The following DYNC2H1 variants were observed in gnomAD, a reference collection of about 807,000 sequenced individuals.
DYNC2H1 encodes the protein cytoplasmic dynein 2 heavy chain 1.
Under a neutral mutation model 570.0 loss-of-function variants are expected in DYNC2H1, and 410 were observed. That is an observed-to-expected ratio of 0.72 (90% CI 0.66 to 0.78). The LOEUF (loss-of-function observed/expected upper bound fraction) is 0.78, where lower values mean the gene tolerates loss of function less well. Among genes scored for constraint, DYNC2H1 ranks in the 30% least tolerant of loss-of-function variants. The pLI, the probability that DYNC2H1 is intolerant of heterozygous loss-of-function variation, is 0.00. For synonymous variants in DYNC2H1, 1,688 were observed against 1,677.6 expected (o/e 1.01, Z -0.15); for missense variants, 4,865 against 5,046.4 (o/e 0.96, Z 1.09).
At chr11:103,451,979 GA>G (rs1221836304) in intron 85 of DYNC2H1, among the ~76,000 whole-genome samples, 1 of 151,762 alleles carries the variant, frequency 6.6e-6, no homozygotes, top group Non-Finnish European at 1.5e-5. Flanking sequence ...TCTTTTTAAT[GA>G]AAGTCCACCA....
chr11:103,349,106 G>A (rs1317412773), intron 82 of DYNC2H1, among the ~76,000 whole-genome samples: 4 of 152,198 alleles, frequency 2.6e-5, no homozygotes, highest in South Asian at 2.1e-4. Context: ...ATTAATGCAG[G>A]CTTCTACATT....
At position 103,322,846 on chromosome 11, in the gene DYNC2H1, A is replaced by G. The variant is rs530522999; in HGVS notation, c.11935-1040A>G. Among the ~76,000 whole-genome samples, 3 of 152,372 alleles carry G rather than the reference A, an allele frequency of 2.0e-5. No individual in the cohort carries two copies. In the South Asian group the frequency reaches 6.2e-4, roughly 32 times the overall value. ...CCCACGATAATACATGCACACATAT[A>G]TGCAAACATACACTCATGTACATGT... is the stretch of plus-strand genomic sequence containing the variant. On this transcript the variant is annotated intron_variant, in intron 81 of 88. Coordinates refer to ENST00000375735, the MANE Select transcript of DYNC2H1 (RefSeq NM_001377.3).
At chr11:103,358,016 T>A (rs1374349662) in intron 82 of DYNC2H1, among the ~76,000 whole-genome samples, 1 of 152,208 alleles carries the variant, frequency 6.6e-6, no homozygotes, top group Non-Finnish European at 1.5e-5. Context: ...GTATACAATT[T>A]AAAAATCGGT....
rs1297378855 is a variant in DYNC2H1, at chr11:103,253,433, T to A, written c.10191T>A (p.Ser3397Arg). The change falls in exon 66 of 89, where the codon AGT (serine) becomes AGA (arginine). Residue 3397 changes from serine to arginine, a missense_variant. Coordinates refer to ENST00000375735, the MANE Select transcript of DYNC2H1 (RefSeq NM_001377.3). ...AGGTTAACTTTACTACAACAAGAAG[T>A]GGATTACGAGGGCAGGTATACATAG... ...VTEVNFTTTRSGLRGQLLALT... is the reference protein window; with the variant it reads ...VTEVNFTTTRRGLRGQLLALT... 1 of 1,612,726 alleles carries A rather than the reference T, an allele frequency of 6.2e-7. No homozygotes were observed. Among genetic ancestry groups the A allele is most frequent in the Non-Finnish European group, 8.5e-7 (1 of 1,179,152 alleles).
intron 83 of DYNC2H1, among the ~76,000 whole-genome samples, chr11:103,385,023 G>T (rs2135589217): frequency 6.6e-6 from 1 of 152,064 alleles, no homozygotes; most frequent in East Asian, 1.9e-4. Context: ...GTCTTTTCTG[G>T]TTTCTGTTGT....
intron 84 of DYNC2H1, among the ~76,000 whole-genome samples, chr11:103,434,973 C>CA (rs1454427709): frequency 6.6e-6 from 1 of 152,110 alleles, no homozygotes; most frequent in Non-Finnish European, 1.5e-5. Flanking sequence ...GACAGGAGCA[C>CA]AGACCTCAAG....
At position 103,114,213 on chromosome 11, in the gene DYNC2H1, G is replaced by T; in HGVS notation, c.477G>T (p.Leu159Phe). 11 of 1,594,758 alleles carry T rather than the reference G, an allele frequency of 6.9e-6. No individual in the cohort carries two copies. The highest frequency in any genetic ancestry group is 9.4e-6 in the Non-Finnish European group (11 of 1,169,644). Reference protein sequence around the residue: ...LRRSDTNLTKLKFKEDDTRGI... With the variant: ...LRRSDTNLTKFKFKEDDTRGI... The stretch of plus-strand genomic sequence containing the variant: ...GATCAGACACTAACTTAACAAAATT[G>T]AAATTTAAGGAAGATGACACACGAG... Residue 159 changes from leucine (L) to phenylalanine (F), a missense_variant, in exon 3 of 89, where the codon TTG (leucine) becomes TTT (phenylalanine). Physicochemically the swap from Leu to Phe is conservative, Grantham distance 22 (BLOSUM62 0). Coordinates refer to ENST00000375735, the MANE Select transcript of DYNC2H1 (RefSeq NM_001377.3).
Position 103,160,984 on chromosome 11 carries a change from A to G in DYNC2H1, c.4431A>G (p.Lys1477=). 3 of 1,573,894 alleles carry G rather than the reference A, an allele frequency of 1.9e-6. 1 individual carries two copies. Residue 1477 remains lysine (K), a synonymous_variant, in exon 29 of 89, where the codon AAA becomes AAG. Coordinates refer to ENST00000375735, the MANE Select transcript of DYNC2H1 (RefSeq NM_001377.3). ...DEKSKHITAM[K]SLEGEVVPFK... is the part of the protein sequence containing the mutation. ...AATCAAAACATATAACTGCAATGAA[A>G]TCTTTAGAGGGAGAAGTTGTACCTT...
At position 103,186,149 on chromosome 11, in the gene DYNC2H1, A is replaced by T; in HGVS notation, c.6634-93A>T. 1 of 1,252,718 alleles carries T rather than the reference A, an allele frequency of 8.0e-7. No homozygotes were observed. The highest frequency in any genetic ancestry group is 1.1e-6 in the Non-Finnish European group (1 of 921,210). The allele number at this position is 1,252,718 out of a possible 1,614,324, so 77.6% of individuals were successfully genotyped here. On this transcript the variant is annotated intron_variant, in intron 41 of 88. Coordinates refer to ENST00000375735, the MANE Select transcript of DYNC2H1 (RefSeq NM_001377.3). This position sits in a 1 kb window ranked among gnomAD's most constrained non-coding sequence, Gnocchi z 4.5. ...TATGTAAAGTTTTCTTGGAACTAAG[A>T]TGATTTACTTTTGGGATATTTACTT... is the stretch of plus-strand genomic sequence containing the variant.
At chr11:103,144,530 G>A (rs1860135564) in intron 18 of DYNC2H1, among the ~76,000 whole-genome samples, 1 of 151,772 alleles carries the variant, frequency 6.6e-6, no homozygotes. Context: ...AAAATGGGAG[G>A]GCAAAAAAGA....
At chr11:103,346,297 G>A (rs1939741761) in intron 82 of DYNC2H1, among the ~76,000 whole-genome samples, 1 of 152,236 alleles carries the variant, frequency 6.6e-6, no homozygotes, top group East Asian at 1.9e-4. Flanking sequence ...TCTGAAATCG[G>A]AAAGCTTAAG....
At chr11:103,355,885 ATT>A (rs1383526060) in intron 82 of DYNC2H1, among the ~76,000 whole-genome samples, 1 of 152,024 alleles carries the variant, frequency 6.6e-6, no homozygotes, top group Non-Finnish European at 1.5e-5. Context: ...TATTTTTAAA[ATT>A]TTTTAAGAGA....
intron 78 of DYNC2H1, among the ~76,000 whole-genome samples, chr11:103,311,490 C>A (rs558781047): frequency 6.6e-6 from 1 of 151,790 alleles, no homozygotes; most frequent in East Asian, 1.9e-4. Flanking sequence ...ATTCAAATAG[C>A]AACTAGTAAG....
chr11:103,390,689 C>T (rs769472462), intron 83 of DYNC2H1, among the ~76,000 whole-genome samples: 2 of 152,168 alleles, frequency 1.3e-5, no homozygotes, highest in South Asian at 2.1e-4. Context: ...GTAGGGCAGG[C>T]CCGGTGGTGA....
At chr11:103,273,491 T>C (rs1313509507) in intron 70 of DYNC2H1, among the ~76,000 whole-genome samples, 1 of 152,174 alleles carries the variant, frequency 6.6e-6, no homozygotes, top group Non-Finnish European at 1.5e-5. Flanking sequence ...ACCCAGCCCC[T>C]TAATTTTTTT....
chr11:103,458,699 A>G (rs1324725530), intron 87 of DYNC2H1, among the ~76,000 whole-genome samples: 1 of 152,116 alleles, frequency 6.6e-6, no homozygotes, highest in Non-Finnish European at 1.5e-5. Flanking sequence ...TTACAATAAC[A>G]GGTAATCATT....
intron 82 of DYNC2H1, among the ~76,000 whole-genome samples, chr11:103,336,896 G>A (rs1939162877): frequency 6.6e-6 from 1 of 151,672 alleles, no homozygotes; most frequent in Non-Finnish European, 1.5e-5. Context: ...CTTTTTTTTG[G>A]ATATATACCC....
chr11:103,156,262 CTT>C (rs373290219), intron 25 of DYNC2H1, 124 bp from the exon 26 acceptor site: 2,593 of 793,088 alleles, frequency 3.3e-3, no homozygotes, highest in Middle Eastern at 5.3e-3. Context: ...AGCCACTTAA[CTT>C]TTTTTTTTTT....
intron 73 of DYNC2H1, among the ~76,000 whole-genome samples, chr11:103,285,497 A>G (rs1866314945): frequency 6.9e-6 from 1 of 144,862 alleles, no homozygotes. Context: ...ATCTCGGCTC[A>G]CTGCAACTTC....
Sources: gnomAD v4.1 joint callset for allele counts (sites outside exome capture counted in the v4.1 genomes callset) on GRCh38, gnomAD v4.1.1 for gene constraint, Gnocchi (gnomAD v3.1) non-coding constraint, MANE v1.5 for transcripts, NCBI Gene and HGNC (gene_info 2026-07-23, HGNC 2026-07-21) for gene names.